PARP1: variants seen among roughly 807,000 people sequenced by gnomAD.
The protein encoded by PARP1 is poly(ADP-ribose) polymerase 1.
A neutral mutation model predicts 118.7 loss-of-function variants in PARP1; 44 were observed. That is an observed-to-expected ratio of 0.37 (90% CI 0.29 to 0.48). The LOEUF (loss-of-function observed/expected upper bound fraction) is 0.48. PARP1 is among the 20% of genes least tolerant of loss of function. PARP1 has a pLI of 0.99. For missense variants in PARP1, 1,100 were observed against 1,272.4 expected (o/e 0.86, Z 2.06); for synonymous variants, 492 against 483.2 (o/e 1.02, Z -0.24).
At chr1:226,368,866 C>G (rs1664323601) in intron 15 of PARP1, among the ~76,000 whole-genome samples, 1 of 152,174 alleles carries the variant, frequency 6.6e-6, no homozygotes, top group Admixed American at 6.5e-5. Flanking sequence ...ACTTGGTGCT[C>G]TATATGCAAA....
chr1:226,364,011 G>A lies in PARP1; in HGVS notation c.2718C>T (p.Asn906=). The A allele has an allele frequency of 1.2e-6, 2 of 1,613,746 alleles. No individual in the cohort carries two copies. The highest frequency in any genetic ancestry group is 2.2e-5 in the East Asian group (1 of 44,886). Residue 906 remains asparagine (N), a synonymous_variant, in exon 20 of 23, where the codon AAC becomes AAT. Transcript: ENST00000366794. ...GGTCTCCCTGAGACGTATGGCAGTA[G>A]TTGGCACTCTTGGAGACCATGTCAG... is the stretch of plus-strand genomic sequence containing the variant. ...YFADMVSKSA[N]YCHTSQGDPI... is the part of the protein sequence containing the mutation.
intron 7 of PARP1, among the ~76,000 whole-genome samples, chr1:226,383,611 T>C (rs1664662450): frequency 6.6e-6 from 1 of 152,180 alleles, no homozygotes; most frequent in Non-Finnish European, 1.5e-5. Context: ...GAATACTATA[T>C]ACACACTGGG....
At chr1:226,376,672 A>T (rs1454160606) in intron 13 of PARP1, among the ~76,000 whole-genome samples, 1 of 152,206 alleles carries the variant, frequency 6.6e-6, no homozygotes, top group Non-Finnish European at 1.5e-5. Flanking sequence ...CCATCTACTG[A>T]GATGATCATG....
Position 226,365,120 on chromosome 1 carries a change from C to T in PARP1, c.2540G>A (p.Arg847His), listed in dbSNP as rs182639036. 38 of 1,614,202 alleles carry T rather than the reference C, an allele frequency of 2.4e-5. No individual in the cohort carries two copies. The highest frequency in any genetic ancestry group is 1.6e-4 in the Middle Eastern group (1 of 6,062). Residue 847 changes from arginine to histidine, a missense_variant, in exon 19 of 23, where the codon CGT becomes CAT. By Grantham distance (29) the Arg-to-His change is conservative. This residue lies in a region of PARP1 where 152 missense variants were observed against 240.6 expected (regional missense o/e 0.63). Transcript: ENST00000366794. Reference protein sequence around the residue: ...FKIEREGECQRYKPFKQLHNR... With the variant: ...FKIEREGECQHYKPFKQLHNR... ...ATGAAGCTGCTTAAAGGGCTTGTAA[C>T]GCTGGCATTCGCCTTCACGCTCTAT...
At chr1:226,370,356 C>T in intron 15 of PARP1, 78 bp downstream of exon 15, 8 of 1,010,232 alleles carry the variant, frequency 7.9e-6, no homozygotes, top group South Asian at 2.5e-5. Flanking sequence ...GTAAATGTTA[C>T]CCCTGCCACC....
chr1:226,402,296 G>A lies in PARP1; in HGVS notation c.204C>T (p.Asp68=), dbSNP rs753862595. 1.9e-4 allele frequency: 305 copies of A among 1,613,968 alleles called. No homozygotes were observed. Among genetic ancestry groups the A allele is most frequent in the Non-Finnish European group, 2.5e-4 (295 of 1,180,036 alleles). Residue 68 remains aspartate, a synonymous_variant, in exon 2 of 23, where the codon GAC becomes GAT. Coordinates refer to ENST00000366794, the MANE Select transcript of PARP1 (RefSeq NM_001618.4). ...GCTCAGAGAACCCATCCACCTCAACGTCAGGGTGCCGGATGGAGTGGCCCA... is the reference window on the plus strand; with the variant it reads ...GCTCAGAGAACCCATCCACCTCAACATCAGGGTGCCGGATGGAGTGGCCCA... ...WKVGHSIRHP[D]VEVDGFSELR... is the part of the protein sequence containing the mutation.
At chr1:226,379,304 TCTCTCCCCTTGAGGTGCTAGCA>T in intron 11 of PARP1, 30 bp from the exon 12 acceptor site, 1 of 1,614,124 alleles carries the variant, frequency 6.2e-7, no homozygotes, top group South Asian at 1.1e-5. Flanking sequence ...CCTACAGTTT[TCTCTCCCCTTGAGGTGCTAGCA>T]CTCTCACGGA....
chr1:226,395,352 TATTC>T (rs1367626699), intron 2 of PARP1, among the ~76,000 whole-genome samples: 4 of 152,190 alleles, frequency 2.6e-5, no homozygotes, highest in Admixed American at 6.5e-5. Flanking sequence ...TTATTAATAA[TATTC>T]ATTATCATTA....
chr1:226,368,249 C>G lies in PARP1; in HGVS notation c.2227G>C (p.Asp743His), dbSNP rs201652970. Residue 743 changes from aspartate to histidine, a missense_variant, in exon 16 of 23, where the codon GAC becomes CAC. Physicochemically the swap from Asp to His is moderately conservative, Grantham distance 81. Transcript: ENST00000366794. ...AGCGGAGGCTTCTTCATCCCAAAGT[C>G]GTGGGGGATCAGGGTGTAAAAGCGA... ...SNRFYTLIPH[D>H]FGMKKPPLLN... 6.2e-7 allele frequency: 1 copy of G among 1,614,162 alleles called. No homozygotes were observed. Among genetic ancestry groups the G allele is most frequent in the Non-Finnish European group, 8.5e-7 (1 of 1,180,032 alleles).
At chr1:226,364,473 C>A in intron 19 of PARP1, 1 of 337,470 alleles carries the variant, frequency 3.0e-6, no homozygotes, top group Non-Finnish European at 5.9e-6. Context: ...AAAGGGTAGG[C>A]CATTTGCCCG....
At chr1:226,404,784 G>A (rs1427106294) in intron 1 of PARP1, among the ~76,000 whole-genome samples, 2 of 152,204 alleles carry the variant, frequency 1.3e-5, no homozygotes, top group African/African-American at 4.8e-5. Context: ...GTGCACCCAA[G>A]CAAAAACTGA....
In PARP1 at chr1:226,361,180, A is replaced by T; in HGVS notation, c.*280T>A. On this transcript the variant is annotated 3_prime_UTR_variant, in exon 23 of 23. Coordinates refer to ENST00000366794, the MANE Select transcript of PARP1 (RefSeq NM_001618.4). ...TTTTTTCCATAGGACTAGTCTATGC[A>T]ACAGAATCTCTCTCCAGCCTTTTCT... The T allele has an allele frequency of 1.9e-6, 1 of 531,072 alleles. No homozygotes were observed. Among genetic ancestry groups the T allele is most frequent in the African/African-American group, 1.9e-5 (1 of 52,780 alleles). The allele number at this position is 531,072 out of a possible 1,614,324, so 32.9% of individuals were successfully genotyped here.
In PARP1 at chr1:226,362,024, G is replaced by A. The variant is rs1191796720; in HGVS notation, c.2908C>T (p.Pro970Ser). The change falls in exon 22 of 23, where the codon CCT becomes TCT. Residue 970 changes from proline (P) to serine (S), a missense_variant. Transcript: ENST00000366794. ...ANISLDGVDV[P>S]LGTGISSGVN... ...CCAGATGAAATCCCGGTCCCAAGAG[G>A]AACGTCTACACCATCCAGACTAATG... 2 of 1,613,780 alleles carry A rather than the reference G, an allele frequency of 1.2e-6. No individual in the cohort carries two copies. The highest frequency in any genetic ancestry group is 1.7e-6 in the Non-Finnish European group (2 of 1,179,688).
chr1:226,406,672 C>A (rs1487097207), intron 1 of PARP1, among the ~76,000 whole-genome samples: 1 of 152,298 alleles, frequency 6.6e-6, no homozygotes, highest in East Asian at 1.9e-4. Context: ...TCCTTAAAAC[C>A]TAACAGAGTG....
chr1:226,375,314 T>C (rs1030318838), intron 13 of PARP1, among the ~76,000 whole-genome samples: 15 of 152,234 alleles, frequency 9.9e-5, no homozygotes, highest in Non-Finnish European at 2.9e-5. Flanking sequence ...TAAGTGCATC[T>C]ACCTTATGAC....
chr1:226,398,547 G>T (rs1395382287), intron 2 of PARP1, among the ~76,000 whole-genome samples: 1 of 150,754 alleles, frequency 6.6e-6, no homozygotes, highest in Non-Finnish European at 1.5e-5. Context: ...AAAAAAAAGT[G>T]GGGGTAGGGG....
chr1:226,401,585 C>T (rs1008978532), intron 2 of PARP1, among the ~76,000 whole-genome samples: 11 of 152,196 alleles, frequency 7.2e-5, no homozygotes, highest in African/African-American at 1.9e-4. Flanking sequence ...AAAGCTGCTT[C>T]GTCCCTGTCC....
intron 13 of PARP1, among the ~76,000 whole-genome samples, chr1:226,376,673 G>C (rs1664493323): frequency 6.6e-6 from 1 of 152,218 alleles, no homozygotes; most frequent in African/African-American, 2.4e-5. Context: ...CATCTACTGA[G>C]ATGATCATGT....
chr1:226,401,669 G>A (rs1665040015), intron 2 of PARP1, among the ~76,000 whole-genome samples: 1 of 152,168 alleles, frequency 6.6e-6, no homozygotes. Context: ...TCAGAGATGA[G>A]CTATTCTTCC....
Sources: gnomAD v4.1 joint callset for allele counts (sites outside exome capture counted in the v4.1 genomes callset) on GRCh38, gnomAD v4.1.1 for gene constraint, gnomAD v4.1.1 regional missense constraint, MANE v1.5 for transcripts, NCBI Gene and HGNC (gene_info 2026-07-23, HGNC 2026-07-21) for gene names.